Variants in GREM1 observed in about 807,000 individuals in gnomAD.
GREM1 encodes the protein gremlin-1.
GREM1 carries 6 observed loss-of-function variants against 13.1 expected under a neutral mutation model. The observed-to-expected ratio is 0.46, with a 90% CI of 0.25 to 0.91. The LOEUF (loss-of-function observed/expected upper bound fraction) is 0.91, where lower values mean the gene tolerates loss of function less well. Ranked by LOEUF, GREM1 falls within the 40% of genes least tolerant of loss-of-function variation. The pLI is 0.18. For missense variants in GREM1, 185 were observed against 233.9 expected (o/e 0.79, Z 1.36); for synonymous variants, 98 against 93.7 (o/e 1.05, Z -0.27).
At position 32,741,066 on chromosome 15, in the gene GREM1, A is replaced by G. The variant is rs1159916850; in HGVS notation, c.*9821A>G. 1 of 152,208 alleles carries G rather than the reference A, an allele frequency of 6.6e-6. No individual in the cohort carries two copies. The highest frequency in any genetic ancestry group is 1.5e-5 in the Non-Finnish European group (1 of 68,030). 9.4% of individuals were successfully genotyped at this position (152,208 alleles called of 1,614,324 possible). On this transcript the variant is annotated 3_prime_UTR_variant, in exon 2 of 2. Transcript: ENST00000651154. ...AAATAGTTGTAAGGAAAAGAGATACAAGGAGTCAAAAATAACAAATATCTA... is the reference window on the plus strand; with the variant it reads ...AAATAGTTGTAAGGAAAAGAGATACGAGGAGTCAAAAATAACAAATATCTA...
intron 1 of GREM1, chr15:32,719,063 G>A (rs1466422724): frequency 3.3e-5 from 5 of 153,766 alleles, no homozygotes; most frequent in African/African-American, 1.2e-4. Context: ...CTAGGGACTG[G>A]CGGCTGAGGC....
In GREM1 at chr15:32,730,828, G is replaced by C; in HGVS notation, c.138G>C (p.Gln46His). Residue 46 changes from glutamine (Q) to histidine (H), a missense_variant, in exon 2 of 2, where the codon CAG (glutamine) becomes CAC (histidine). Gln to His is a conservative substitution (Grantham distance 24). Transcript: ENST00000651154. ...AGGCCCAGCACAATGACTCAGAGCA[G>C]ACTCAGTCGCCCCAGCAGCCTGGCT... ...PDKAQHNDSE[Q>H]TQSPQQPGSR... The C allele has an allele frequency of 6.2e-7, 1 of 1,613,946 alleles. No homozygotes were observed. The highest frequency in any genetic ancestry group is 2.2e-5 in the East Asian group (1 of 44,872).
At position 32,740,687 on chromosome 15, in the gene GREM1, T is replaced by G. The variant is rs1488984724; in HGVS notation, c.*9442T>G. On this transcript the variant is annotated 3_prime_UTR_variant, in exon 2 of 2. Transcript: ENST00000651154. ...AGAACGTATTCAAAGAAATAATGGC[T>G]GAACACTTCCCAAATATGAGGAAGA... is the stretch of plus-strand genomic sequence containing the variant. 2.0e-5 allele frequency: 3 copies of G among 152,188 alleles called. No homozygotes were observed. Among genetic ancestry groups the G allele is most frequent in the Non-Finnish European group, 2.9e-5 (2 of 68,030 alleles). 9.4% of individuals were successfully genotyped at this position (152,188 alleles called of 1,614,324 possible).
chr15:32,720,589 C>G (rs1277289878), intron 1 of GREM1, among the ~76,000 whole-genome samples: 1 of 152,180 alleles, frequency 6.6e-6, no homozygotes, highest in Non-Finnish European at 1.5e-5. Flanking sequence ...GCAAGTGCTA[C>G]CAGCCCGTGT....
chr15:32,729,006 C>CT lies in GREM1; in HGVS notation c.-1-1673dup, dbSNP rs563570668. 2.1e-3 allele frequency among the ~76,000 whole-genome samples: 303 copies of CT among 147,224 alleles called. 1 individual carries two copies. Among genetic ancestry groups the CT allele is most frequent in the African/African-American group, 6.3e-3 (253 of 40,296 alleles). ...TATCCCCAGATATTGTCTGCACTTT[C>CT]TTTTTTTTTTTCTTTCTTTCTTTCT... On this transcript the variant is annotated intron_variant, in intron 1 of 1. Transcript: ENST00000651154.
At chr15:32,722,808 G>A (rs2055431186) in intron 1 of GREM1, among the ~76,000 whole-genome samples, 1 of 152,202 alleles carries the variant, frequency 6.6e-6, no homozygotes, top group Non-Finnish European at 1.5e-5. Flanking sequence ...GAGATGGGGT[G>A]AGACTTGCTG....
rs1476699056 is a variant in GREM1, at chr15:32,741,793, T to C, written c.*10548T>C. 6.6e-6 allele frequency: 1 copy of C among 152,218 alleles called. No individual in the cohort carries two copies. The highest frequency in any genetic ancestry group is 1.5e-5 in the Non-Finnish European group (1 of 68,014). 9.4% of individuals were successfully genotyped at this position (152,218 alleles called of 1,614,324 possible). A position where few individuals can be genotyped will look rare whatever the true frequency, so the allele number is the denominator to read the frequency against. On this transcript the variant is annotated 3_prime_UTR_variant, in exon 2 of 2. Transcript: ENST00000651154. ...TTCAGTTTTCCATTATTCGGTATAA[T>C]GTTAGTTATGGGTTTTTAAAAATAT...
chr15:32,738,972 T>C lies in GREM1; in HGVS notation c.*7727T>C, dbSNP rs960907472. ...TCAAAAACAAAACAAACAACAAAAA[T>C]ACTGAAAGCTTTCCCCATACAGGAA... On this transcript the variant is annotated 3_prime_UTR_variant, in exon 2 of 2. Coordinates refer to ENST00000651154, the MANE Select transcript of GREM1 (RefSeq NM_013372.7). The C allele has an allele frequency of 6.6e-6, 1 of 151,980 alleles. No individual in the cohort carries two copies. Among genetic ancestry groups the C allele is most frequent in the Non-Finnish European group, 1.5e-5 (1 of 67,990 alleles). 9.4% of individuals were successfully genotyped at this position (151,980 alleles called of 1,614,324 possible).
At chr15:32,722,366 A>G (rs941541952) in intron 1 of GREM1, among the ~76,000 whole-genome samples, 6 of 152,202 alleles carry the variant, frequency 3.9e-5, no homozygotes, top group Non-Finnish European at 7.3e-5. Flanking sequence ...GGAGGAACTG[A>G]CCAGAAGTCC....
chr15:32,727,171 A>G (rs2055524742), intron 1 of GREM1, among the ~76,000 whole-genome samples: 1 of 151,098 alleles, frequency 6.6e-6, no homozygotes, highest in Non-Finnish European at 1.5e-5. Context: ...GGCCAGCATC[A>G]TCCTGATACC....
chr15:32,736,954 T>A lies in GREM1; in HGVS notation c.*5709T>A, dbSNP rs1047244890. 4 of 152,204 alleles carry A rather than the reference T, an allele frequency of 2.6e-5. No individual in the cohort carries two copies. Among genetic ancestry groups the A allele is most frequent in the African/African-American group, 7.2e-5 (3 of 41,446 alleles). 9.4% of individuals were successfully genotyped at this position (152,204 alleles called of 1,614,324 possible). On this transcript the variant is annotated 3_prime_UTR_variant, in exon 2 of 2. Transcript: ENST00000651154. ...TGTGAGTAATAAATGTTTCATACTC[T>A]CTTGGGGTGTGTGTAACATCATCAG... is the stretch of plus-strand genomic sequence containing the variant.
chr15:32,729,923 G>A (rs1389546110), intron 1 of GREM1, among the ~76,000 whole-genome samples: 3 of 152,164 alleles, frequency 2.0e-5, no homozygotes, highest in Non-Finnish European at 4.4e-5. Flanking sequence ...CATGAGTCAC[G>A]TCACCTACAC....
chr15:32,725,259 A>G (rs1028761737), intron 1 of GREM1, among the ~76,000 whole-genome samples: 16 of 152,156 alleles, frequency 1.1e-4, no homozygotes, highest in Non-Finnish European at 2.4e-4. Flanking sequence ...CCAACAGTGT[A>G]AAAGCATTCC....
rs897021527 is a variant in GREM1 at position 32,735,244 on chromosome 15, C to A, written c.*3999C>A. Reference sequence around the variant, plus strand: ...TACTTAGATATATAATACAAGATTTCTATTAGGTATGGGTGCTCTGATGAT... The same window carrying A: ...TACTTAGATATATAATACAAGATTTATATTAGGTATGGGTGCTCTGATGAT... On this transcript the variant is annotated 3_prime_UTR_variant, in exon 2 of 2. Transcript: ENST00000651154. The A allele has an allele frequency of 6.6e-6, 1 of 152,132 alleles. No individual in the cohort carries two copies. Among genetic ancestry groups the A allele is most frequent in the African/African-American group, 2.4e-5 (1 of 41,422 alleles). 9.4% of individuals were successfully genotyped at this position (152,132 alleles called of 1,614,324 possible).
intron 1 of GREM1, among the ~76,000 whole-genome samples, chr15:32,727,520 C>G (rs2055533001): frequency 6.6e-6 from 1 of 152,144 alleles, no homozygotes; most frequent in South Asian, 2.1e-4. Flanking sequence ...TTATTTATGA[C>G]AAACCCACAG....
rs1177985823 is a variant in GREM1, at chr15:32,742,209, C to A, written c.*10964C>A. On this transcript the variant is annotated 3_prime_UTR_variant, in exon 2 of 2. Coordinates refer to ENST00000651154, the MANE Select transcript of GREM1 (RefSeq NM_013372.7). ...TTCATAAAATAAGTTAGAAAGTGTT[C>A]TCTCTTCTTTGATTTTTTTGGAAGA... 1.3e-5 allele frequency: 2 copies of A among 152,112 alleles called. No individual in the cohort carries two copies. Among genetic ancestry groups the A allele is most frequent in the Non-Finnish European group, 2.9e-5 (2 of 67,996 alleles). 9.4% of individuals were successfully genotyped at this position (152,112 alleles called of 1,614,324 possible). A position where few individuals can be genotyped will look rare whatever the true frequency, so the allele number is the denominator to read the frequency against.
intron 1 of GREM1, among the ~76,000 whole-genome samples, chr15:32,720,943 G>C (rs181083717): frequency 7.8e-4 from 119 of 152,242 alleles, no homozygotes; most frequent in Non-Finnish European, 2.6e-4. Flanking sequence ...GATCACCTGA[G>C]GTCGGGAGTT....
chr15:32,732,454 T>A lies in GREM1; in HGVS notation c.*1209T>A, dbSNP rs1013164750. ...TTAGCAAGAGATATTTTGGGGGTCT[T>A]TTTGTTTTAACTATTGTCAGGAGAT... On this transcript the variant is annotated 3_prime_UTR_variant, in exon 2 of 2. Coordinates refer to ENST00000651154, the MANE Select transcript of GREM1 (RefSeq NM_013372.7). The A allele has an allele frequency of 4.1e-6, 1 of 244,984 alleles. No homozygotes were observed. Among genetic ancestry groups the A allele is most frequent in the Non-Finnish European group, 8.6e-6 (1 of 116,124 alleles). 15.2% of individuals were successfully genotyped at this position (244,984 alleles called of 1,614,324 possible).
Position 32,718,028 on chromosome 15 carries a change from G to A in GREM1, c.-135G>A. On this transcript the variant is annotated 5_prime_UTR_variant, in exon 1 of 2. Transcript: ENST00000651154. ...CACTCGGTGCGCCTTCCGCGGACCG[G>A]GCGACCCAGTGCACGGCCGCCGCGT... 4 of 1,098,686 alleles carry A rather than the reference G, an allele frequency of 3.6e-6. No homozygotes were observed. The South Asian group carries it at 9.7e-5, about 27-fold the overall frequency. 68.1% of individuals were successfully genotyped at this position (1,098,686 alleles called of 1,614,324 possible). A position where few individuals can be genotyped will look rare whatever the true frequency, so the allele number is the denominator to read the frequency against.
Sources: allele counts gnomAD v4.1 joint callset (sites outside exome capture counted in the v4.1 genomes callset), GRCh38; gene constraint gnomAD v4.1.1; transcripts MANE v1.5; gene names NCBI Gene and HGNC (gene_info 2026-07-23, HGNC 2026-07-21).